Variants in ITIH2 observed in about 807,000 individuals in gnomAD.
ITIH2 encodes the protein inter-alpha-trypsin inhibitor heavy chain 2, also known as inter-alpha-trypsin inhibitor heavy chain H2.
Under a neutral mutation model 104.4 loss-of-function variants are expected in ITIH2, and 103 were observed. The observed-to-expected ratio is 0.99, with a 90% CI of 0.84 to 1.16. The LOEUF (loss-of-function observed/expected upper bound fraction) is 1.16, where lower values mean the gene tolerates loss of function less well. ITIH2 is among the 50% of genes most tolerant of loss of function. ITIH2 has a pLI of 0.00. For synonymous variants in ITIH2, 436 were observed against 435.4 expected (o/e 1.00, Z -0.02); for missense variants, 1,108 against 1,162.4 (o/e 0.95, Z 0.68).
intron 11 of ITIH2, among the ~76,000 whole-genome samples, chr10:7,728,399 G>A (rs1834970312): frequency 6.6e-6 from 1 of 151,610 alleles, no homozygotes; most frequent in Non-Finnish European, 1.5e-5. Context: ...ATTTATTTTT[G>A]AAGACAGGGT....
Position 7,707,188 on chromosome 10 carries a change from C to T in ITIH2, c.160-13C>T. The T allele has an allele frequency of 6.3e-7, 1 of 1,595,122 alleles. No individual in the cohort carries two copies. Among genetic ancestry groups the T allele is most frequent in the Non-Finnish European group, 8.6e-7 (1 of 1,164,674 alleles). ...ATACAGTTGAAGAATGATTGTCTAACTTCCTTTCACAGAGAAGCCTTCCAG... is the reference window on the plus strand; with the variant it reads ...ATACAGTTGAAGAATGATTGTCTAATTTCCTTTCACAGAGAAGCCTTCCAG... On this transcript the variant is annotated splice_polypyrimidine_tract_variant and intron_variant, in intron 2 of 20. Coordinates refer to ENST00000358415, the MANE Select transcript of ITIH2 (RefSeq NM_002216.3).
intron 2 of ITIH2, among the ~76,000 whole-genome samples, chr10:7,705,762 A>C (rs906546662): frequency 4.0e-5 from 6 of 151,726 alleles, no homozygotes; most frequent in Non-Finnish European, 8.8e-5. Context: ...TAAGATTCCG[A>C]AATTATTTCC....
rs1402696251 is a variant in ITIH2, at chr10:7,703,661, A to T, written c.84+143A>T. Reference sequence around the variant, plus strand: ...CATCTGAGTGCAAGTGTTTACTGTTATAATTACTGGAATGTATATTTACCT... The same window carrying T: ...CATCTGAGTGCAAGTGTTTACTGTTTTAATTACTGGAATGTATATTTACCT... On this transcript the variant is annotated intron_variant, in intron 1 of 20. Coordinates refer to ENST00000358415, the MANE Select transcript of ITIH2 (RefSeq NM_002216.3). 3 of 618,202 alleles carry T rather than the reference A, an allele frequency of 4.9e-6. No individual in the cohort carries two copies. The Admixed American group carries it at 8.5e-5, about 17-fold the overall frequency. 38.3% of individuals were successfully genotyped at this position (618,202 alleles called of 1,614,324 possible).
intron 14 of ITIH2, 142 bp from the exon 15 acceptor site, chr10:7,734,780 G>A: frequency 3.1e-6 from 2 of 637,830 alleles, no homozygotes; most frequent in Non-Finnish European, 5.5e-6. Context: ...AAGCCAGTGA[G>A]TTCTGTTTCC....
In ITIH2 at chr10:7,704,838, G is replaced by A. The variant is rs145353399; in HGVS notation, c.85-270G>A. Reference sequence around the variant, plus strand: ...ACACAAGAAGGGAAAACCCAACACCGCATGTTCTCACTCATAAGTGGGAGT... The same window carrying A: ...ACACAAGAAGGGAAAACCCAACACCACATGTTCTCACTCATAAGTGGGAGT... On this transcript the variant is annotated intron_variant, in intron 1 of 20. Coordinates refer to ENST00000358415, the MANE Select transcript of ITIH2 (RefSeq NM_002216.3). Among the ~76,000 whole-genome samples, 233 of 151,836 alleles carry A rather than the reference G, an allele frequency of 1.5e-3. 1 individual carries two copies. Among genetic ancestry groups the A allele is most frequent in the African/African-American group, 5.2e-3 (213 of 41,340 alleles).
intron 5 of ITIH2, 114 bp downstream of exon 5, chr10:7,713,399 G>A: frequency 4.1e-6 from 3 of 732,622 alleles, no homozygotes; most frequent in African/African-American, 1.7e-5. Context: ...TGAGCCAATG[G>A]CAACCTCCTC....
At chr10:7,748,394 G>A (rs922062716) in intron 20 of ITIH2, among the ~76,000 whole-genome samples, 23 of 149,774 alleles carry the variant, frequency 1.5e-4, no homozygotes, top group African/African-American at 5.4e-4. Flanking sequence ...CACGCAGTGT[G>A]AACGAGATCC....
chr10:7,727,203 G>A, intron 10 of ITIH2, 85 bp downstream of exon 10: 1 of 1,154,214 alleles, frequency 8.7e-7, no homozygotes, highest in South Asian at 1.5e-5. Flanking sequence ...TCCCATCACA[G>A]TGGTCTTTCC....
intron 20 of ITIH2, 53 bp downstream of exon 20, chr10:7,746,757 C>A (rs1835181955): frequency 1.8e-6 from 2 of 1,089,924 alleles, no homozygotes; most frequent in Non-Finnish European, 2.8e-6. Flanking sequence ...TAGAATTAGA[C>A]CCACACAGCA....
chr10:7,734,282 G>T (rs769628354), intron 14 of ITIH2, among the ~76,000 whole-genome samples: 14 of 152,214 alleles, frequency 9.2e-5, no homozygotes, highest in Non-Finnish European at 1.3e-4. Flanking sequence ...GATGTTGATA[G>T]TGGGGAAGGC....
intron 18 of ITIH2, 120 bp downstream of exon 18, chr10:7,744,400 G>C (rs1835156606): frequency 1.1e-6 from 1 of 924,068 alleles, no homozygotes; most frequent in African/African-American, 1.7e-5. Context: ...AGGAAGTTGA[G>C]GTTCAGAAAA....
intron 14 of ITIH2, 132 bp downstream of exon 14, chr10:7,732,609 C>T: frequency 1.1e-6 from 1 of 879,822 alleles, no homozygotes; most frequent in Non-Finnish European, 1.7e-6. Context: ...GGATTATTAC[C>T]TTCCACTAGT....
intron 13 of ITIH2, 66 bp downstream of exon 13, chr10:7,732,062 T>G (rs1835008896): frequency 7.8e-7 from 1 of 1,276,858 alleles, no homozygotes. Flanking sequence ...CTCTTGAATG[T>G]CAGCTCTGCC....
chr10:7,726,960 C>A lies in ITIH2; in HGVS notation c.995C>A (p.Ala332Glu), dbSNP rs1834956269. The A allele has an allele frequency of 1.9e-6, 3 of 1,609,038 alleles. No homozygotes were observed. The highest frequency in any genetic ancestry group is 2.5e-6 in the Non-Finnish European group (3 of 1,177,284). ...WGVKMKQTVE[A>E]MKTILDDLRA... ...TCTCTATTGAAATAGACTGTGGAAG[C>A]AATGAAGACCATATTGGATGACCTC... Residue 332 changes from alanine to glutamate, a missense_variant, in exon 10 of 21, where the codon GCA (alanine) becomes GAA (glutamate). Ala to Glu is a moderately radical substitution (Grantham distance 107, BLOSUM62 -1). Coordinates refer to ENST00000358415, the MANE Select transcript of ITIH2 (RefSeq NM_002216.3).
chr10:7,740,091 CAGG>C (rs1187932695), intron 16 of ITIH2, among the ~76,000 whole-genome samples: 3 of 152,014 alleles, frequency 2.0e-5, no homozygotes, highest in African/African-American at 4.8e-5. Flanking sequence ...GAGGCTTAGG[CAGG>C]AGAATTGCTT....
Position 7,703,397 on chromosome 10 carries a change from C to T in ITIH2, c.-38C>T, listed in dbSNP as rs183350466. 2.8e-5 allele frequency: 40 copies of T among 1,420,738 alleles called. No homozygotes were observed. The East Asian group carries it at 8.6e-4, about 31-fold the overall frequency. 88.0% of individuals were successfully genotyped at this position (1,420,738 alleles called of 1,614,324 possible). A position where few individuals can be genotyped will look rare whatever the true frequency, so the allele number is the denominator to read the frequency against. On this transcript the variant is annotated 5_prime_UTR_variant, in exon 1 of 21. Coordinates refer to ENST00000358415, the MANE Select transcript of ITIH2 (RefSeq NM_002216.3). ...GGAAGAAGTGATATCCTCCCCAGACCATCTGCTTTGGGGAGCTTGGCAAAA... is the reference window on the plus strand; with the variant it reads ...GGAAGAAGTGATATCCTCCCCAGACTATCTGCTTTGGGGAGCTTGGCAAAA...
chr10:7,745,152 C>T (rs533134422), intron 19 of ITIH2, among the ~76,000 whole-genome samples, 189 bp downstream of exon 19: 1 of 152,170 alleles, frequency 6.6e-6, no homozygotes, highest in Admixed American at 6.5e-5. Context: ...CAAGGTTGTC[C>T]AGGGCCAGGA....
chr10:7,708,960 C>CAA (rs1834771407), intron 3 of ITIH2, 62 bp from the exon 4 acceptor site: 1 of 1,394,646 alleles, frequency 7.2e-7, no homozygotes, highest in East Asian at 2.3e-5. Context: ...AAATGCACTA[C>CAA]ATTTGATGAA....
At chr10:7,722,784 C>T (rs1834916478) in intron 8 of ITIH2, among the ~76,000 whole-genome samples, 1 of 152,196 alleles carries the variant, frequency 6.6e-6, no homozygotes, top group Non-Finnish European at 1.5e-5. Flanking sequence ...GGGGCTCTTG[C>T]CGAGCCCTTT....
Sources: allele counts gnomAD v4.1 joint callset (sites outside exome capture counted in the v4.1 genomes callset), GRCh38; gene constraint gnomAD v4.1.1; transcripts MANE v1.5; gene names NCBI Gene and HGNC (gene_info 2026-07-23, HGNC 2026-07-21).